Variants in DENND2B observed in about 807,000 individuals in gnomAD.
DENND2B encodes the protein DENN domain-containing protein 2B.
In DENND2B, 32 loss-of-function variants were observed where a neutral mutation model predicts 116.0. The observed-to-expected ratio is 0.28, with a 90% CI of 0.21 to 0.37. DENND2B has a LOEUF of 0.37. Ranked by LOEUF, DENND2B falls within the 10% of genes least tolerant of loss-of-function variation. DENND2B has a pLI of 1.00. For synonymous variants in DENND2B, 588 were observed against 583.9 expected (o/e 1.01, Z -0.10); for missense variants, 1,276 against 1,477.7 (o/e 0.86, Z 2.24).
intron 1 of DENND2B, among the ~76,000 whole-genome samples, chr11:8,765,637 G>C (rs1322748965): frequency 6.6e-6 from 1 of 152,144 alleles, no homozygotes; most frequent in Admixed American, 6.5e-5. Context: ...CATCCCATTA[G>C]TAAGTGTGGT....
chr11:8,904,204 A>G (rs2064206923), intron 1 of DENND2B, among the ~76,000 whole-genome samples: 1 of 152,160 alleles, frequency 6.6e-6, no homozygotes, highest in Non-Finnish European at 1.5e-5. Context: ...ACCAAATTCA[A>G]CAACGAAAGA....
intron 14 of DENND2B, among the ~76,000 whole-genome samples, chr11:8,701,771 C>T (rs1484794432): frequency 6.6e-6 from 1 of 152,166 alleles, no homozygotes; most frequent in Non-Finnish European, 1.5e-5. Flanking sequence ...CCTAAACTGC[C>T]TCACGTCCAG....
At chr11:8,804,407 G>A (rs189866604) in intron 1 of DENND2B, among the ~76,000 whole-genome samples, 8 of 152,296 alleles carry the variant, frequency 5.3e-5, no homozygotes, top group African/African-American at 1.9e-4. Context: ...CTGAACACAA[G>A]CAGCTTTGAG....
upstream of DENND2B, among the ~76,000 whole-genome samples, chr11:8,875,412 CTG>C (rs931914092): frequency 1.5e-4 from 22 of 150,858 alleles, no homozygotes; most frequent in Admixed American, 1.1e-3. Flanking sequence ...ATTTTTGACA[CTG>C]TGATTTTTTT....
At chr11:8,705,129 C>G (rs112482589) in intron 13 of DENND2B, among the ~76,000 whole-genome samples, 254 of 152,314 alleles carry the variant, frequency 1.7e-3, no homozygotes, top group African/African-American at 5.8e-3. Flanking sequence ...CTTCTCAGTA[C>G]TCTCTGCTAG....
chr11:8,910,395 C>T (rs539460592), intron 1 of DENND2B, among the ~76,000 whole-genome samples: 1 of 151,776 alleles, frequency 6.6e-6, no homozygotes, highest in East Asian at 2.0e-4. Flanking sequence ...CCTTATTCCC[C>T]ATGATGTTTT....
intron 2 of DENND2B, among the ~76,000 whole-genome samples, chr11:8,740,150 TG>T (rs1185753513): frequency 6.7e-6 from 1 of 148,238 alleles, no homozygotes; most frequent in Non-Finnish European, 1.5e-5. Context: ...GGTTACACCA[TG>T]GCACTCTAGC....
chr11:8,836,975 C>T lies in DENND2B; in HGVS notation c.-115+2335G>A, dbSNP rs143669835. On this transcript the variant is annotated intron_variant, in intron 4 of 6. Transcript: ENST00000524757. ...AAGTGATCTGTCTGTCTTAGCCTCCCGAAGTGCTGGGATTACAGGCGTGGG... is the reference window on the plus strand; with the variant it reads ...AAGTGATCTGTCTGTCTTAGCCTCCTGAAGTGCTGGGATTACAGGCGTGGG... Among the ~76,000 whole-genome samples, 23 of 152,328 alleles carry T rather than the reference C, an allele frequency of 1.5e-4. No individual in the cohort carries two copies. In the East Asian group the frequency reaches 3.9e-3, roughly 26 times the overall value.
At chr11:8,814,255 T>G (rs550893989), upstream of DENND2B, among the ~76,000 whole-genome samples, 127 of 146,970 alleles carry the variant, frequency 8.6e-4, no homozygotes, top group African/African-American at 3.1e-3. Context: ...TCATTAGAGC[T>G]GTCTGAATCA....
At chr11:8,807,587 A>C (rs2060985310) in intron 1 of DENND2B, among the ~76,000 whole-genome samples, 2 of 152,256 alleles carry the variant, frequency 1.3e-5, no homozygotes, top group Non-Finnish European at 2.9e-5. Context: ...AGAGAGAGAG[A>C]GCCCAAGGGG....
At chr11:8,700,478 G>A (rs753876996) in intron 14 of DENND2B, among the ~76,000 whole-genome samples, 1 of 152,146 alleles carries the variant, frequency 6.6e-6, no homozygotes, top group Non-Finnish European at 1.5e-5. Flanking sequence ...ATGGGCCTGC[G>A]TTCCTGTCCC....
At chr11:8,697,670 G>C (rs1212622820) in intron 16 of DENND2B, 34 bp from the exon 17 acceptor site, 3 of 1,426,790 alleles carry the variant, frequency 2.1e-6, no homozygotes, top group Non-Finnish European at 3.0e-6. Context: ...GACAATCATA[G>C]CTGACACTGA....
intron 4 of DENND2B, among the ~76,000 whole-genome samples, chr11:8,816,220 T>C (rs1411588617): frequency 1.3e-5 from 2 of 152,158 alleles, no homozygotes; most frequent in East Asian, 1.9e-4. Flanking sequence ...TCCAGTGGTA[T>C]TCCCACTGAA....
chr11:8,881,870 T>G (rs1452312726), intron 1 of DENND2B, among the ~76,000 whole-genome samples: 1 of 152,216 alleles, frequency 6.6e-6, no homozygotes, highest in African/African-American at 2.4e-5. Context: ...GTTCCTTTTC[T>G]CTAGAGCATC....
chr11:8,726,860 G>A (rs2047160402), intron 3 of DENND2B, among the ~76,000 whole-genome samples: 1 of 152,200 alleles, frequency 6.6e-6, no homozygotes, highest in African/African-American at 2.4e-5. Flanking sequence ...AAGCAGGAAG[G>A]GCTGAGCCCT....
chr11:8,699,136 C>T lies in DENND2B; in HGVS notation c.2898+77G>A, dbSNP rs989761757. ...AAGGATAAGAGCCTGGTAAAGAGGC[C>T]GAGGGGCCACAAGTAAGATCCCAGC... On this transcript the variant is annotated intron_variant, in intron 15 of 19. Transcript: ENST00000313726. 1.6e-5 allele frequency: 24 copies of T among 1,513,310 alleles called. No individual in the cohort carries two copies. The Admixed American group carries it at 1.6e-4, about 10-fold the overall frequency. The allele number at this position is 1,513,310 out of a possible 1,614,324, so 93.7% of individuals were successfully genotyped here.
At chr11:8,751,891 A>G (rs1416355434) in intron 1 of DENND2B, among the ~76,000 whole-genome samples, 1 of 152,236 alleles carries the variant, frequency 6.6e-6, no homozygotes, top group Non-Finnish European at 1.5e-5. Context: ...TTTCTTGAAT[A>G]TACTTGAAAC....
intron 2 of DENND2B, among the ~76,000 whole-genome samples, chr11:8,732,137 A>G (rs1486126509): frequency 2.6e-5 from 4 of 152,172 alleles, no homozygotes; most frequent in African/African-American, 7.2e-5. Context: ...CCAACTCCTT[A>G]GGCAGCTCCA....
At chr11:8,865,013 C>T (rs2063527556) in intron 2 of DENND2B, among the ~76,000 whole-genome samples, 1 of 152,192 alleles carries the variant, frequency 6.6e-6, no homozygotes, top group Non-Finnish European at 1.5e-5. Flanking sequence ...CAAACAGGGA[C>T]AAATTCCCAG....
Sources: gnomAD v4.1 joint callset for allele counts (sites outside exome capture counted in the v4.1 genomes callset) on GRCh38, gnomAD v4.1.1 for gene constraint, MANE v1.5 for transcripts, NCBI Gene and HGNC (gene_info 2026-07-23, HGNC 2026-07-21) for gene names.